Variants in OR2L13 observed in about 807,000 individuals in gnomAD.
OR2L13 encodes the protein olfactory receptor 2L13.
Under a neutral mutation model 15.3 loss-of-function variants are expected in OR2L13, and 14 were observed. That is an observed-to-expected ratio of 0.91 (90% CI 0.60 to 1.43). The LOEUF (loss-of-function observed/expected upper bound fraction) is 1.43. Among genes scored for constraint, OR2L13 ranks in the 40% most tolerant of loss-of-function variants. The probability of loss-of-function intolerance (pLI) is 0.00; values close to 1 mark genes in which losing one functional copy is unlikely to be tolerated. For synonymous variants in OR2L13, 152 were observed against 142.9 expected (o/e 1.06, Z -0.45); for missense variants, 367 against 387.9 (o/e 0.95, Z 0.45).
the OR2L13 span, among the ~76,000 whole-genome samples, chr1:248,067,876 C>T: frequency 6.6e-5 from 10 of 152,222 alleles, no homozygotes; most frequent in Non-Finnish European, 1.5e-4. Context: ...CCCACGCCCA[C>T]AGAGTCTCGC....
At chr1:248,010,864 C>T in the OR2L13 span, among the ~76,000 whole-genome samples, 1 of 134,280 alleles carries the variant, frequency 7.4e-6, no homozygotes, top group East Asian at 2.5e-4. Flanking sequence ...TGAGATGGGT[C>T]TCCTGAATAC....
chr1:248,035,188 T>A, the OR2L13 span, among the ~76,000 whole-genome samples: 1 of 152,030 alleles, frequency 6.6e-6, no homozygotes, highest in Non-Finnish European at 1.5e-5. Flanking sequence ...CGGTGGCTCA[T>A]GCCTGTAATC....
the OR2L13 span, among the ~76,000 whole-genome samples, chr1:248,085,613 A>C: frequency 6.6e-6 from 1 of 151,948 alleles, no homozygotes; most frequent in African/African-American, 2.4e-5. Flanking sequence ...TATTTGTGCT[A>C]AGAAAAAAAG....
chr1:247,950,118 T>C, the OR2L13 span, among the ~76,000 whole-genome samples: 8 of 152,194 alleles, frequency 5.3e-5, no homozygotes, highest in Non-Finnish European at 1.0e-4. Context: ...AATTTTATTA[T>C]TGTCAATTTA....
the OR2L13 span, among the ~76,000 whole-genome samples, chr1:247,958,074 C>A: frequency 6.6e-6 from 1 of 152,088 alleles, no homozygotes; most frequent in Non-Finnish European, 1.5e-5. Context: ...CTCTTGTGGG[C>A]ATTTAGTGCT....
At chr1:248,038,500 C>G in the OR2L13 span, 3 of 1,613,782 alleles carry the variant, frequency 1.9e-6, no homozygotes, top group African/African-American at 2.7e-5. Context: ...ACCATTGTTC[C>G]AAAGATGGTT....
chr1:248,023,360 G>A, the OR2L13 span: 2 of 152,256 alleles, frequency 1.3e-5, no homozygotes, highest in South Asian at 2.1e-4. Flanking sequence ...TTTACCTCAG[G>A]ATAAATAAGT....
At chr1:248,024,631 C>A in the OR2L13 span, among the ~76,000 whole-genome samples, 2 of 152,092 alleles carry the variant, frequency 1.3e-5, no homozygotes, top group Non-Finnish European at 2.9e-5. Flanking sequence ...ATATGGCTAG[C>A]CAGTTTTCCC....
the OR2L13 span, among the ~76,000 whole-genome samples, chr1:247,953,882 A>G: frequency 2.0e-5 from 3 of 151,988 alleles, no homozygotes; most frequent in African/African-American, 4.8e-5. Context: ...TTACACCCCC[A>G]TATACCTCCT....
the OR2L13 span, chr1:248,038,460 C>T: frequency 6.2e-7 from 1 of 1,613,718 alleles, no homozygotes; most frequent in Non-Finnish European, 8.5e-7. Context: ...ACTTAGTCAG[C>T]TCTCCCTCAT....
At chr1:247,953,590 C>T in the OR2L13 span, among the ~76,000 whole-genome samples, 15 of 152,236 alleles carry the variant, frequency 9.9e-5, no homozygotes, top group African/African-American at 3.1e-4. Context: ...AATGATATGC[C>T]ATCCACAAAT....
At chr1:248,040,014 TA>T in the OR2L13 span, 3 of 152,208 alleles carry the variant, frequency 2.0e-5, no homozygotes, top group Non-Finnish European at 2.9e-5. Flanking sequence ...TGGAGTAGGT[TA>T]TTTGAATCAT....
At chr1:247,951,278 T>C in the OR2L13 span, among the ~76,000 whole-genome samples, 4 of 152,192 alleles carry the variant, frequency 2.6e-5, no homozygotes, top group Admixed American at 6.5e-5. Context: ...GGGTCTTTCA[T>C]AGTTCATACA....
At chr1:247,991,422 C>A in the OR2L13 span, among the ~76,000 whole-genome samples, 5 of 149,210 alleles carry the variant, frequency 3.4e-5, no homozygotes, top group Non-Finnish European at 7.4e-5. Flanking sequence ...ATCGTATATT[C>A]ATTTTTTTCC....
the OR2L13 span, chr1:247,949,294 G>A: frequency 1.5e-5 from 24 of 1,614,094 alleles, no homozygotes; most frequent in Non-Finnish European, 2.0e-5. Flanking sequence ...ATGATAACAG[G>A]GTCTTGGATC....
At chr1:247,977,425 A>G in the OR2L13 span, among the ~76,000 whole-genome samples, 1 of 152,184 alleles carries the variant, frequency 6.6e-6, no homozygotes, top group East Asian at 1.9e-4. Flanking sequence ...GAAGAGCAGA[A>G]TCCCATCCAT....
the OR2L13 span, chr1:247,949,801 A>G: frequency 6.2e-7 from 1 of 1,603,854 alleles, no homozygotes; most frequent in Non-Finnish European, 8.5e-7. Context: ...ATGTAGAAAC[A>G]CTTTCTGCCT....
chr1:248,068,811 G>A, the OR2L13 span, among the ~76,000 whole-genome samples: 1 of 152,148 alleles, frequency 6.6e-6, no homozygotes, highest in African/African-American at 2.4e-5. Flanking sequence ...CAAGGCTCGA[G>A]AACTACATGA....
At chr1:247,953,595 A>G in the OR2L13 span, among the ~76,000 whole-genome samples, 462 of 152,334 alleles carry the variant, frequency 3.0e-3, 6 homozygotes, top group African/African-American at 0.01. Context: ...TATGCCATCC[A>G]CAAATATGCT....
Sources: allele counts gnomAD v4.1 joint callset (sites outside exome capture counted in the v4.1 genomes callset), GRCh38; gene constraint gnomAD v4.1.1; transcripts MANE v1.5; gene names NCBI Gene and HGNC (gene_info 2026-07-23, HGNC 2026-07-21).